The following SYNDIG1 variants were observed in gnomAD, a reference collection of about 807,000 sequenced individuals.
The protein encoded by SYNDIG1 is synapse differentiation inducing 1.
Under a neutral mutation model 19.4 loss-of-function variants are expected in SYNDIG1, and 9 were observed. That is an observed-to-expected ratio of 0.46 (90% CI 0.28 to 0.81). SYNDIG1 has a LOEUF of 0.81. Ranked by LOEUF, SYNDIG1 falls within the 30% of genes least tolerant of loss-of-function variation. SYNDIG1 has a pLI of 0.12. For synonymous variants in SYNDIG1, 141 were observed against 145.9 expected, an observed-to-expected ratio of 0.97 and a Z score of 0.24; for missense variants, 311 against 343.3, an observed-to-expected ratio of 0.91 and a Z score of 0.74.
chr20:24,626,427 C>G (rs1457764762), intron 3 of SYNDIG1, among the ~76,000 whole-genome samples: 1 of 151,996 alleles, frequency 6.6e-6, no homozygotes, highest in Non-Finnish European at 1.5e-5. Context: ...GCGCTCCTCA[C>G]ATCCTAGACG....
intron 3 of SYNDIG1, among the ~76,000 whole-genome samples, chr20:24,639,426 C>T (rs879866101): frequency 5.9e-5 from 9 of 152,186 alleles, no homozygotes; most frequent in Admixed American, 3.3e-4. Context: ...TCCCCACACA[C>T]GAAGGCTTTC....
chr20:24,471,747 A>G (rs908241074), intron 1 of SYNDIG1, among the ~76,000 whole-genome samples: 6 of 152,092 alleles, frequency 3.9e-5, no homozygotes, highest in South Asian at 2.1e-4. Context: ...ACCTGCAGTT[A>G]CCTTTGGTAG....
At chr20:24,566,750 C>A (rs973490026) in intron 2 of SYNDIG1, among the ~76,000 whole-genome samples, 3 of 152,202 alleles carry the variant, frequency 2.0e-5, no homozygotes, top group Non-Finnish European at 2.9e-5. Flanking sequence ...CCGTCCAAAG[C>A]CCTCTCCCAA....
chr20:24,626,324 C>T (rs183845204), intron 3 of SYNDIG1, among the ~76,000 whole-genome samples: 224 of 148,836 alleles, frequency 1.5e-3, no homozygotes, highest in African/African-American at 5.4e-3. Context: ...TCAGAGGGGG[C>T]GGTTGCCAGG....
intron 2 of SYNDIG1, among the ~76,000 whole-genome samples, chr20:24,569,425 C>CAG (rs2058105512): frequency 6.6e-6 from 1 of 152,116 alleles, no homozygotes; most frequent in Non-Finnish European, 1.5e-5. Context: ...TCCACATGCC[C>CAG]AGAGAGAGCA....
At chr20:24,537,410 G>A (rs2057383516) in intron 1 of SYNDIG1, among the ~76,000 whole-genome samples, 1 of 151,814 alleles carries the variant, frequency 6.6e-6, no homozygotes, top group African/African-American at 2.4e-5. Context: ...TGTTTTCTCA[G>A]TATGGTATAC....
At chr20:24,551,898 T>C (rs1214492537) in intron 2 of SYNDIG1, among the ~76,000 whole-genome samples, 1 of 152,222 alleles carries the variant, frequency 6.6e-6, no homozygotes, top group Non-Finnish European at 1.5e-5. Flanking sequence ...TGGCTTAGTG[T>C]CTGATATGTT....
chr20:24,471,900 G>C (rs1192361630), intron 1 of SYNDIG1, among the ~76,000 whole-genome samples: 1 of 151,948 alleles, frequency 6.6e-6, no homozygotes, highest in Non-Finnish European at 1.5e-5. Context: ...GCATCATTTT[G>C]TACCCCATAA....
At chr20:24,552,720 T>C (rs910078142) in intron 2 of SYNDIG1, among the ~76,000 whole-genome samples, 1 of 152,184 alleles carries the variant, frequency 6.6e-6, no homozygotes, top group Non-Finnish European at 1.5e-5. Flanking sequence ...TGTTGGACAT[T>C]TGGGTTGGTT....
intron 2 of SYNDIG1, among the ~76,000 whole-genome samples, chr20:24,564,469 T>C (rs1568645545): frequency 6.6e-6 from 1 of 152,198 alleles, no homozygotes; most frequent in African/African-American, 2.4e-5. Flanking sequence ...CAAGCTCTCA[T>C]ATGTAGAAAG....
intron 3 of SYNDIG1, among the ~76,000 whole-genome samples, chr20:24,585,500 G>A (rs1045088471): frequency 1.4e-4 from 22 of 152,144 alleles, no homozygotes; most frequent in Admixed American, 3.9e-4. Context: ...CGCCCTGCTT[G>A]TGGAAATAGC....
At chr20:24,641,801 A>G (rs1427577532) in intron 3 of SYNDIG1, among the ~76,000 whole-genome samples, 1 of 152,188 alleles carries the variant, frequency 6.6e-6, no homozygotes, top group Non-Finnish European at 1.5e-5. Flanking sequence ...ACCTTGTCCC[A>G]TGCCACGCCC....
At chr20:24,584,566 T>C (rs1251528684) in intron 2 of SYNDIG1, among the ~76,000 whole-genome samples, 1 of 152,184 alleles carries the variant, frequency 6.6e-6, no homozygotes, top group East Asian at 1.9e-4. Context: ...CCCAGCGATC[T>C]TAGAAATACT....
chr20:24,511,958 G>A (rs539662308), intron 1 of SYNDIG1, among the ~76,000 whole-genome samples: 1 of 151,636 alleles, frequency 6.6e-6, no homozygotes, highest in East Asian at 2.0e-4. Flanking sequence ...TCCTGTGTAG[G>A]CATTTATGAT....
chr20:24,500,510 CTTTCTTTCTTTCTTTCT>C (rs1568587890), intron 1 of SYNDIG1, among the ~76,000 whole-genome samples: 23 of 135,904 alleles, frequency 1.7e-4, no homozygotes, highest in Non-Finnish European at 3.3e-4. Context: ...TTCTTTCTTT[CTTTCTTTCTTTCTTTCT>C]TTCTTCTTTC....
intron 2 of SYNDIG1, among the ~76,000 whole-genome samples, chr20:24,579,491 G>A (rs957235951): frequency 6.6e-6 from 1 of 152,180 alleles, no homozygotes; most frequent in African/African-American, 2.4e-5. Flanking sequence ...TTTCTAAGAT[G>A]GAGTCACTTA....
Position 24,584,859 on chromosome 20 carries a change from G to T in SYNDIG1, c.484G>T (p.Asp162Tyr). 1 of 1,614,114 alleles carries T rather than the reference G, an allele frequency of 6.2e-7. No individual in the cohort carries two copies. The highest frequency in any genetic ancestry group is 2.2e-5 in the East Asian group (1 of 44,860). The change falls in exon 3 of 4, where the codon GAC becomes TAC. Residue 162 changes from aspartate to tyrosine, a missense_variant. Coordinates refer to ENST00000376862, the MANE Select transcript of SYNDIG1 (RefSeq NM_024893.3). ...TCCTGCTGGTTCTCTCTTGCAGAGC[G>T]ACTACTCAAGCGACACAGAGAGTGA... Reference protein sequence around the residue: ...EEEEFQELESDYSSDTESEDN... With the variant: ...EEEEFQELESYYSSDTESEDN...
In SYNDIG1 at chr20:24,591,079, C is replaced by CGTGT. The variant is rs55725848; in HGVS notation, c.618+6112_618+6115dup. On this transcript the variant is annotated intron_variant, in intron 3 of 3. Coordinates refer to ENST00000376862, the MANE Select transcript of SYNDIG1 (RefSeq NM_024893.3). Reference sequence around the variant, plus strand: ...ACTCATTGAGCTTTATTTACACCTTCGTGTGTGTGTGTGTGTGTGTGTGTG... The same window carrying CGTGT: ...ACTCATTGAGCTTTATTTACACCTTCGTGTGTGTGTGTGTGTGTGTGTGTGTGTG... Among the ~76,000 whole-genome samples the CGTGT allele has an allele frequency of 7.7e-4, 115 of 149,192 alleles. No homozygotes were observed. The Middle Eastern group carries it at 0.01, about 14-fold the overall frequency.
chr20:24,592,612 AAATT>A (rs1236839187), intron 3 of SYNDIG1, among the ~76,000 whole-genome samples: 4 of 152,096 alleles, frequency 2.6e-5, no homozygotes, highest in Non-Finnish European at 5.9e-5. Context: ...CAGGTTTTTA[AAATT>A]AATTATTTAA....
Sources: allele counts gnomAD v4.1 joint callset (sites outside exome capture counted in the v4.1 genomes callset), GRCh38; gene constraint gnomAD v4.1.1; transcripts MANE v1.5; gene names NCBI Gene and HGNC (gene_info 2026-07-23, HGNC 2026-07-21).